Variants in ALPL observed in about 807,000 individuals in gnomAD.
The protein encoded by ALPL is alkaline phosphatase, tissue-nonspecific isozyme.
Under a neutral mutation model 51.3 loss-of-function variants are expected in ALPL, and 42 were observed. The observed-to-expected ratio is 0.82, with a 90% CI of 0.64 to 1.06. ALPL has a LOEUF of 1.06. Among genes scored for constraint, ALPL ranks in the 50% least tolerant of loss-of-function variants. The probability of loss-of-function intolerance (pLI) is 0.00; values close to 1 mark genes in which losing one functional copy is unlikely to be tolerated. For synonymous variants in ALPL, 279 were observed against 296.4 expected (o/e 0.94, Z 0.60); for missense variants, 589 against 709.4 (o/e 0.83, Z 1.93).
chr1:21,523,623 C>G (rs1338523957), intron 1 of ALPL, among the ~76,000 whole-genome samples: 1 of 152,218 alleles, frequency 6.6e-6, no homozygotes, highest in African/African-American at 2.4e-5. Flanking sequence ...GGAAAGGAAA[C>G]TGATCTGTCA....
intron 1 of ALPL, among the ~76,000 whole-genome samples, chr1:21,513,900 G>A (rs1643741129): frequency 1.3e-5 from 2 of 152,228 alleles, no homozygotes; most frequent in Non-Finnish European, 2.9e-5. Context: ...TCTCCACCAC[G>A]CCCCACTGCC....
chr1:21,542,534 A>C (rs949467830), intron 1 of ALPL, among the ~76,000 whole-genome samples: 1 of 152,172 alleles, frequency 6.6e-6, no homozygotes, highest in African/African-American at 2.4e-5. Flanking sequence ...CTGCTCAGAA[A>C]ATGACTTGTT....
intron 6 of ALPL, among the ~76,000 whole-genome samples, chr1:21,566,302 G>T (rs1169707237): frequency 2.0e-5 from 3 of 152,106 alleles, no homozygotes; most frequent in Admixed American, 1.3e-4. Flanking sequence ...TTATTATTTT[G>T]AGACGGAGTC....
chr1:21,525,310 G>C (rs191134226), intron 1 of ALPL, among the ~76,000 whole-genome samples: 1 of 152,174 alleles, frequency 6.6e-6, no homozygotes, highest in Non-Finnish European at 1.5e-5. Flanking sequence ...CCCGCCACAC[G>C]CTCCAGCCAC....
chr1:21,540,657 G>A (rs1400745287), intron 1 of ALPL, among the ~76,000 whole-genome samples: 5 of 152,238 alleles, frequency 3.3e-5, no homozygotes, highest in East Asian at 3.9e-4. Flanking sequence ...CCGCCTGCTC[G>A]TGCCTTTCTC....
intron 1 of ALPL, among the ~76,000 whole-genome samples, chr1:21,518,420 G>GTAAT (rs1643841761): frequency 6.6e-6 from 1 of 152,140 alleles, no homozygotes; most frequent in Admixed American, 6.6e-5. Context: ...ATGACTCAGA[G>GTAAT]TAATTAGCCT....
intron 2 of ALPL, among the ~76,000 whole-genome samples, chr1:21,554,926 C>CT (rs1398209995): frequency 3.0e-5 from 3 of 99,626 alleles, no homozygotes; most frequent in African/African-American, 7.2e-5. Flanking sequence ...TTCTTTCTTT[C>CT]TTTCTTTTCT....
chr1:21,568,146 A>G lies in ALPL; in HGVS notation c.691A>G (p.Lys231Glu), dbSNP rs746933644. 55 of 1,613,942 alleles carry G rather than the reference A, an allele frequency of 3.4e-5. No homozygotes were observed. Among genetic ancestry groups the G allele is most frequent in the Non-Finnish European group, 4.5e-5 (53 of 1,180,018 alleles). ...CCGGAAATACATGTACCCCAAGAATAAAACTGATGTGGAGTATGAGAGTGA... is the reference window on the plus strand; with the variant it reads ...CCGGAAATACATGTACCCCAAGAATGAAACTGATGTGGAGTATGAGAGTGA... ...GGRKYMYPKN[K>E]TDVEYESDEK... is the part of the protein sequence containing the mutation. The change falls in exon 7 of 12, where the codon AAA becomes GAA. Residue 231 changes from lysine to glutamate, a missense_variant. By Grantham distance (56) the Lys-to-Glu change is moderately conservative. Coordinates refer to ENST00000374840, the MANE Select transcript of ALPL (RefSeq NM_000478.6).
intron 2 of ALPL, among the ~76,000 whole-genome samples, chr1:21,554,343 C>G (rs1255029167): frequency 8.0e-6 from 1 of 124,846 alleles, no homozygotes; most frequent in South Asian, 2.6e-4. Context: ...TATATATACA[C>G]ACATACACAT....
At chr1:21,516,482 C>T (rs1006366685) in intron 1 of ALPL, among the ~76,000 whole-genome samples, 2 of 152,212 alleles carry the variant, frequency 1.3e-5, no homozygotes, top group Non-Finnish European at 2.9e-5. Context: ...CCTGTAATTA[C>T]TATTTGGTCC....
At chr1:21,555,186 C>A (rs191704297) in intron 2 of ALPL, among the ~76,000 whole-genome samples, 1 of 151,666 alleles carries the variant, frequency 6.6e-6, no homozygotes, top group East Asian at 1.9e-4. Flanking sequence ...AGTGGGGGAG[C>A]TTTTTGAGCC....
At chr1:21,529,913 A>G (rs1644005580) in intron 1 of ALPL, among the ~76,000 whole-genome samples, 1 of 152,028 alleles carries the variant, frequency 6.6e-6, no homozygotes, top group Non-Finnish European at 1.5e-5. Context: ...CTGGGACTAT[A>G]GTTGTGCACC....
chr1:21,524,005 T>A (rs1643910376), intron 1 of ALPL, among the ~76,000 whole-genome samples: 1 of 144,132 alleles, frequency 6.9e-6, no homozygotes, highest in South Asian at 2.3e-4. Context: ...TCTGCTTTTT[T>A]TTTTTTTTTT....
intron 6 of ALPL, among the ~76,000 whole-genome samples, chr1:21,565,293 T>C (rs1644547272): frequency 6.6e-6 from 1 of 152,196 alleles, no homozygotes; most frequent in Non-Finnish European, 1.5e-5. Context: ...CCCCTTTCAC[T>C]GAACAGACAT....
In ALPL at chr1:21,568,761, G is replaced by A. The variant is rs61654810; in HGVS notation, c.792+514G>A. Among the ~76,000 whole-genome samples, 38 of 152,204 alleles carry A rather than the reference G, an allele frequency of 2.5e-4. No homozygotes were observed. The South Asian group carries it at 2.9e-3, about 12-fold the overall frequency. On this transcript the variant is annotated intron_variant, in intron 7 of 11. Coordinates refer to ENST00000374840, the MANE Select transcript of ALPL (RefSeq NM_000478.6). ...CCAGTGTGCAAGCCATGGAGGGAGCGGAGAAGCCCTCCACAGTGAGTCCCC... is the reference window on the plus strand; with the variant it reads ...CCAGTGTGCAAGCCATGGAGGGAGCAGAGAAGCCCTCCACAGTGAGTCCCC...
chr1:21,572,680 C>A (rs10917020), intron 8 of ALPL, among the ~76,000 whole-genome samples: 6 of 151,904 alleles, frequency 3.9e-5, no homozygotes, highest in Non-Finnish European at 8.8e-5. Context: ...TACCCACTCA[C>A]AGAGGGGCAG....
intron 1 of ALPL, among the ~76,000 whole-genome samples, chr1:21,525,283 C>T (rs1331630345): frequency 6.6e-6 from 1 of 152,226 alleles, no homozygotes; most frequent in Non-Finnish European, 1.5e-5. Flanking sequence ...CTGAGGCAAG[C>T]CTGCCAACCT....
intron 11 of ALPL, among the ~76,000 whole-genome samples, chr1:21,577,017 C>T (rs1000328561): frequency 9.2e-5 from 14 of 152,098 alleles, no homozygotes; most frequent in African/African-American, 1.2e-4. Context: ...TTCCAGTATA[C>T]GAGACTTTGC....
At chr1:21,536,302 T>C (rs1236819427) in intron 1 of ALPL, among the ~76,000 whole-genome samples, 1 of 152,196 alleles carries the variant, frequency 6.6e-6, no homozygotes, top group African/African-American at 2.4e-5. Context: ...GTTTGCAAGA[T>C]TTTTCCTCTG....
Sources: allele counts gnomAD v4.1 joint callset (sites outside exome capture counted in the v4.1 genomes callset), GRCh38; gene constraint gnomAD v4.1.1; transcripts MANE v1.5; gene names NCBI Gene and HGNC (gene_info 2026-07-23, HGNC 2026-07-21).